CEP112: variants seen among roughly 807,000 people sequenced by gnomAD.
The protein encoded by CEP112 is centrosomal protein 112, also known as centrosomal protein of 112 kDa.
CEP112 carries 127 observed loss-of-function variants against 153.0 expected under a neutral mutation model. The observed-to-expected ratio is 0.83, with a 90% CI of 0.72 to 0.96. The LOEUF (loss-of-function observed/expected upper bound fraction) is 0.96, where lower values mean the gene tolerates loss of function less well. Ranked by LOEUF, CEP112 falls within the 40% of genes least tolerant of loss-of-function variation. CEP112 has a pLI of 0.00. For missense variants in CEP112, 1,089 were observed against 1,101.2 expected, an observed-to-expected ratio of 0.99 and a Z score of 0.16; for synonymous variants, 358 against 374.4, an observed-to-expected ratio of 0.96 and a Z score of 0.51.
intron 18 of CEP112, among the ~76,000 whole-genome samples, chr17:65,929,092 G>C (rs926743517): frequency 1.3e-5 from 2 of 152,110 alleles, no homozygotes; most frequent in Admixed American, 6.5e-5. Context: ...GTTTCTTTGG[G>C]GGAAGATGAA....
rs138345702 is a variant in CEP112 at position 66,151,090 on chromosome 17, A to G, written c.471-18327T>C. On this transcript the variant is annotated intron_variant, in intron 4 of 26. Transcript: ENST00000535342. ...AGCTATTTATCTTTGTATTTAAAGT[A>G]TGTCTCTTATAAATAATATAAAGTT... is the stretch of plus-strand genomic sequence containing the variant. 4.6e-5 allele frequency among the ~76,000 whole-genome samples: 7 copies of G among 151,730 alleles called. No homozygotes were observed. The East Asian group carries it at 1.4e-3, about 29-fold the overall frequency.
chr17:65,851,523 T>A (rs1163316341), intron 21 of CEP112, among the ~76,000 whole-genome samples: 1 of 152,230 alleles, frequency 6.6e-6, no homozygotes, highest in Non-Finnish European at 1.5e-5. Context: ...GACAATATTA[T>A]AATATCACTT....
intron 24 of CEP112, among the ~76,000 whole-genome samples, chr17:65,654,056 CAAAAA>C (rs773433478): frequency 1.5e-4 from 4 of 26,880 alleles, no homozygotes; most frequent in Admixed American, 4.0e-4. Flanking sequence ...AAGACTCCAT[CAAAAA>C]AAAAAAAAAA....
At chr17:65,721,295 C>T (rs1275639570) in intron 23 of CEP112, among the ~76,000 whole-genome samples, 2 of 152,184 alleles carry the variant, frequency 1.3e-5, no homozygotes, top group Non-Finnish European at 2.9e-5. Context: ...CAGGCATGAG[C>T]CACCGCGCCC....
chr17:65,816,145 A>G (rs1364619368), intron 21 of CEP112, among the ~76,000 whole-genome samples: 1 of 151,728 alleles, frequency 6.6e-6, no homozygotes, highest in African/African-American at 2.4e-5. Context: ...TTTCTTTTTA[A>G]AAAAGTTTTT....
At chr17:66,059,231 C>T (rs1598261042) in intron 11 of CEP112, among the ~76,000 whole-genome samples, 1 of 152,120 alleles carries the variant, frequency 6.6e-6, no homozygotes, top group Non-Finnish European at 1.5e-5. Flanking sequence ...CCATTCTAGA[C>T]ATTGACCGTG....
At chr17:66,005,560 G>A (rs1286851244) in intron 17 of CEP112, 130 bp downstream of exon 17, 1 of 1,128,120 alleles carries the variant, frequency 8.9e-7, no homozygotes, top group Non-Finnish European at 1.2e-6. Context: ...GATTTGTGAT[G>A]GGAAACTGAT....
chr17:65,703,115 G>T (rs1023346448), intron 23 of CEP112, among the ~76,000 whole-genome samples: 9 of 152,166 alleles, frequency 5.9e-5, no homozygotes, highest in Non-Finnish European at 1.2e-4. Context: ...CATAAGAGGG[G>T]ATTGGTGTCC....
chr17:65,828,038 T>C (rs141723699), intron 21 of CEP112, among the ~76,000 whole-genome samples: 2,278 of 152,332 alleles, frequency 0.015, 26 homozygotes, highest in Non-Finnish European at 0.025. Context: ...TTATGCAGCA[T>C]GTTCATGGCT....
At chr17:66,133,094 A>G (rs2070271582) in intron 4 of CEP112, among the ~76,000 whole-genome samples, 1 of 152,148 alleles carries the variant, frequency 6.6e-6, no homozygotes, top group South Asian at 2.1e-4. Flanking sequence ...CATCAAAAAA[A>G]AAAAAGAAAA....
At chr17:66,038,228 T>C (rs2065825010) in intron 12 of CEP112, among the ~76,000 whole-genome samples, 1 of 152,164 alleles carries the variant, frequency 6.6e-6, no homozygotes, top group South Asian at 2.1e-4. Flanking sequence ...TGCAGATAAG[T>C]ATTACATGAA....
chr17:65,984,224 C>T (rs2063324928), intron 17 of CEP112, among the ~76,000 whole-genome samples: 1 of 151,940 alleles, frequency 6.6e-6, no homozygotes, highest in Admixed American at 6.6e-5. Flanking sequence ...AATTTGATTG[C>T]ACAGAGAACA....
intron 6 of CEP112, among the ~76,000 whole-genome samples, chr17:66,124,560 C>A (rs1241514261): frequency 7.7e-6 from 1 of 129,984 alleles, no homozygotes; most frequent in African/African-American, 2.6e-5. Flanking sequence ...AGAGGCAGGG[C>A]CAAGAAAGAA....
chr17:66,028,799 C>T (rs995221799), intron 14 of CEP112, among the ~76,000 whole-genome samples: 4 of 151,802 alleles, frequency 2.6e-5, no homozygotes, highest in South Asian at 2.1e-4. Flanking sequence ...ACAATAATAA[C>T]GCATATAGTT....
chr17:66,081,596 G>A (rs1196559431), intron 8 of CEP112, among the ~76,000 whole-genome samples: 1 of 145,386 alleles, frequency 6.9e-6, no homozygotes, highest in Non-Finnish European at 1.5e-5. Flanking sequence ...TTATATATTT[G>A]ACTAGCAGAC....
At chr17:65,876,301 C>T (rs1455461463) in intron 20 of CEP112, among the ~76,000 whole-genome samples, 1 of 152,202 alleles carries the variant, frequency 6.6e-6, no homozygotes, top group Admixed American at 6.5e-5. Context: ...ATGCTTGTAA[C>T]GTCTTATCCA....
At chr17:66,032,501 T>C (rs988206236) in intron 12 of CEP112, among the ~76,000 whole-genome samples, 1 of 152,126 alleles carries the variant, frequency 6.6e-6, no homozygotes, top group Non-Finnish European at 1.5e-5. Context: ...GGACTACCAC[T>C]AGGAGCGAAA....
At chr17:66,184,919 G>A (rs2072864767) in intron 1 of CEP112, among the ~76,000 whole-genome samples, 1 of 152,146 alleles carries the variant, frequency 6.6e-6, no homozygotes, top group Non-Finnish European at 1.5e-5. Flanking sequence ...GGAATGAACT[G>A]CTGATACACA....
chr17:65,776,298 A>T (rs1359281955), intron 21 of CEP112, among the ~76,000 whole-genome samples: 1 of 152,046 alleles, frequency 6.6e-6, no homozygotes, highest in Non-Finnish European at 1.5e-5. Context: ...GCAGTGGTGC[A>T]ATCTCGGCTT....
Sources: allele counts gnomAD v4.1 joint callset (sites outside exome capture counted in the v4.1 genomes callset), GRCh38; gene constraint gnomAD v4.1.1; transcripts MANE v1.5; gene names NCBI Gene and HGNC (gene_info 2026-07-23, HGNC 2026-07-21).